Variants in CFAP161 observed in about 807,000 individuals in gnomAD.
CFAP161 encodes the protein cilia and flagella associated protein 161.
Under a neutral mutation model 29.0 loss-of-function variants are expected in CFAP161, and 25 were observed. The observed-to-expected ratio is 0.86, with a 90% CI of 0.63 to 1.20. The LOEUF (loss-of-function observed/expected upper bound fraction) is 1.20. CFAP161 is among the 50% of genes most tolerant of loss of function. The pLI is 0.00. For synonymous variants in CFAP161, 116 were observed against 137.4 expected, an observed-to-expected ratio of 0.84 and a Z score of 1.09; for missense variants, 367 against 371.9, an observed-to-expected ratio of 0.99 and a Z score of 0.11.
chr15:81,103,067 CATGATGATG>C (rs10626158), intron 1 of CFAP161, among the ~76,000 whole-genome samples: 2 of 151,046 alleles, frequency 1.3e-5, no homozygotes, highest in Non-Finnish European at 3.0e-5. Context: ...CGAGGAAGCA[CATGATGATG>C]ATGATGATGA....
At chr15:81,132,096 G>A (rs1894719354), upstream of CFAP161, among the ~76,000 whole-genome samples, 1 of 152,140 alleles carries the variant, frequency 6.6e-6, no homozygotes, top group African/African-American at 2.4e-5. Context: ...GGCCAACCTG[G>A]TAAAACCCCA....
At chr15:81,137,938 T>C (rs1885627620) in intron 3 of CFAP161, 113 bp from the exon 4 acceptor site, 2 of 736,578 alleles carry the variant, frequency 2.7e-6, no homozygotes, top group South Asian at 1.8e-5. Flanking sequence ...TATGTGAATA[T>C]AAATTATCAA....
chr15:81,114,401 T>G (rs1894471861), intron 1 of CFAP161, among the ~76,000 whole-genome samples: 1 of 152,198 alleles, frequency 6.6e-6, no homozygotes, highest in South Asian at 2.1e-4. Context: ...TTTATGATAG[T>G]GGAGGATCTT....
At chr15:81,138,507 C>CT (rs1894851264) in intron 4 of CFAP161, among the ~76,000 whole-genome samples, 1 of 152,116 alleles carries the variant, frequency 6.6e-6, no homozygotes, top group African/African-American at 2.4e-5. Context: ...TATCTGACAA[C>CT]TTTTTTATTT....
Position 81,143,726 on chromosome 15 carries a change from T to C in CFAP161, c.542T>C (p.Val181Ala). The C allele has an allele frequency of 6.2e-7, 1 of 1,614,122 alleles. No homozygotes were observed. The highest frequency in any genetic ancestry group is 1.1e-5 in the South Asian group (1 of 91,068). The change falls in exon 5 of 7, where the codon GTG becomes GCG. Residue 181 changes from valine (V) to alanine (A), a missense_variant. By Grantham distance (64) the Val-to-Ala change is moderately conservative. Coordinates refer to ENST00000286732, the MANE Select transcript of CFAP161 (RefSeq NM_173528.4). ...KSSKRSWLQEVYLTDEVSHVN... is the reference protein window; with the variant it reads ...KSSKRSWLQEAYLTDEVSHVN... ...TCTAAGAGGTCTTGGCTCCAGGAAG[T>C]GTACCTAACAGATGAGGTCTCCCAT...
At chr15:81,131,994 T>C (rs1894717643), upstream of CFAP161, among the ~76,000 whole-genome samples, 1 of 152,188 alleles carries the variant, frequency 6.6e-6, no homozygotes, top group Non-Finnish European at 1.5e-5. Flanking sequence ...ATGGAGGCCA[T>C]GGCTGGGCAG....
In CFAP161 at chr15:81,148,487, A is replaced by G. The variant is rs1895048819; in HGVS notation, c.860A>G (p.Glu287Gly). ...SMLDLPKPPT[E>G]DTRAMEQAMG... ...TTGGATCTGCCCAAACCACCCACAG[A>G]GGACACTCGAGCCATGGAGCAGGCC... is the stretch of plus-strand genomic sequence containing the variant. The change falls in exon 7 of 7, where the codon GAG (glutamate) becomes GGG (glycine). Residue 287 changes from glutamate to glycine, a missense_variant. Transcript: ENST00000286732. 6 of 1,614,198 alleles carry G rather than the reference A, an allele frequency of 3.7e-6. No homozygotes were observed. Among genetic ancestry groups the G allele is most frequent in the Non-Finnish European group, 5.1e-6 (6 of 1,180,040 alleles).
upstream of CFAP161, among the ~76,000 whole-genome samples, chr15:81,132,531 A>G (rs1894725798): frequency 6.6e-6 from 1 of 152,162 alleles, no homozygotes; most frequent in Non-Finnish European, 1.5e-5. Flanking sequence ...CAATAAAGAT[A>G]TTTCTTCTCC....
chr15:81,133,261 G>A (rs1894748672), upstream of CFAP161, among the ~76,000 whole-genome samples: 1 of 137,116 alleles, frequency 7.3e-6, no homozygotes, highest in Admixed American at 7.7e-5. Flanking sequence ...GTCTCACTAT[G>A]TTGCCCAGGC....
At chr15:81,109,095 T>A (rs1250332229) in intron 1 of CFAP161, among the ~76,000 whole-genome samples, 1 of 152,178 alleles carries the variant, frequency 6.6e-6, no homozygotes, top group Non-Finnish European at 1.5e-5. Flanking sequence ...CCTGGGTGTT[T>A]ATCTGCTCAT....
chr15:81,099,545 A>T (rs1035530032), intron 1 of CFAP161: 10 of 152,222 alleles, frequency 6.6e-5, no homozygotes, highest in Non-Finnish European at 7.3e-5. Context: ...TTGAAAGCAA[A>T]GGGGAATTTT....
At chr15:81,113,845 C>G (rs895527082) in intron 1 of CFAP161, among the ~76,000 whole-genome samples, 1 of 152,168 alleles carries the variant, frequency 6.6e-6, no homozygotes, top group Non-Finnish European at 1.5e-5. Flanking sequence ...TCTCCACTCT[C>G]GAATCACTTG....
intron 5 of CFAP161, among the ~76,000 whole-genome samples, chr15:81,144,778 G>A (rs1191000218): frequency 5.0e-5 from 7 of 138,880 alleles, no homozygotes; most frequent in South Asian, 4.4e-4. Context: ...CAGTGAGACC[G>A]TGTCTCAAAA....
At chr15:81,125,492 G>C (rs1316400924) in intron 1 of CFAP161, among the ~76,000 whole-genome samples, 1 of 152,074 alleles carries the variant, frequency 6.6e-6, no homozygotes, top group African/African-American at 2.4e-5. Flanking sequence ...ATCTAGCAAA[G>C]ACAACATAAA....
chr15:81,114,245 G>GACT (rs1894470221), intron 1 of CFAP161, among the ~76,000 whole-genome samples: 1 of 152,142 alleles, frequency 6.6e-6, no homozygotes, highest in South Asian at 2.1e-4. Context: ...TTTTCCCAGT[G>GACT]CATATAAACA....
chr15:81,130,853 A>C (rs1894701626), upstream of CFAP161, among the ~76,000 whole-genome samples: 1 of 152,140 alleles, frequency 6.6e-6, no homozygotes, highest in South Asian at 2.1e-4. Context: ...AGAGGGAGAG[A>C]GATGGGGACA....
intron 5 of CFAP161, among the ~76,000 whole-genome samples, chr15:81,147,481 A>T (rs1221262934): frequency 6.6e-6 from 1 of 152,180 alleles, no homozygotes; most frequent in African/African-American, 2.4e-5. Context: ...TCATAAATGT[A>T]CTTACACAAA....
chr15:81,118,719 C>T (rs1894532606), intron 1 of CFAP161, among the ~76,000 whole-genome samples: 2 of 152,356 alleles, frequency 1.3e-5, no homozygotes, highest in African/African-American at 4.8e-5. Flanking sequence ...CTGCACGACC[C>T]GCCAGCGGAG....
chr15:81,104,748 A>G (rs1894341390), intron 1 of CFAP161, among the ~76,000 whole-genome samples: 1 of 152,234 alleles, frequency 6.6e-6, no homozygotes, highest in African/African-American at 2.4e-5. Context: ...TCTGGAAAAC[A>G]TTCTTCCAGG....
Sources: gnomAD v4.1 joint callset for allele counts (sites outside exome capture counted in the v4.1 genomes callset) on GRCh38, gnomAD v4.1.1 for gene constraint, MANE v1.5 for transcripts, NCBI Gene and HGNC (gene_info 2026-07-23, HGNC 2026-07-21) for gene names.